The following RASSF3 variants were observed in gnomAD, a reference collection of about 807,000 sequenced individuals.
RASSF3 encodes the protein ras association domain-containing protein 3.
A neutral mutation model predicts 19.9 loss-of-function variants in RASSF3; 19 were observed. That is an observed-to-expected ratio of 0.96 (90% confidence interval 0.67 to 1.40). The LOEUF is 1.40. RASSF3 is among the 40% of genes most tolerant of loss of function. The pLI is 0.00. For synonymous variants in RASSF3, 110 were observed against 104.2 expected, an observed-to-expected ratio of 1.06 and a Z score of -0.34; for missense variants, 306 against 289.8, an observed-to-expected ratio of 1.06 and a Z score of -0.41.
chr12:64,686,646 G>T (rs1873367191), intron 2 of RASSF3, among the ~76,000 whole-genome samples: 1 of 151,594 alleles, frequency 6.6e-6, no homozygotes, highest in Non-Finnish European at 1.5e-5. Flanking sequence ...AGTCAACATG[G>T]CAAAACCCCA....
At chr12:64,572,665 T>A (rs1037305261) in intron 2 of RASSF3, among the ~76,000 whole-genome samples, 1 of 152,008 alleles carries the variant, frequency 6.6e-6, no homozygotes, top group Non-Finnish European at 1.5e-5. Context: ...ACTAAATTAA[T>A]GAAAGAGTGA....
chr12:64,622,102 G>A (rs1174785389), intron 1 of RASSF3, among the ~76,000 whole-genome samples: 1 of 152,124 alleles, frequency 6.6e-6, no homozygotes, highest in Non-Finnish European at 1.5e-5. Flanking sequence ...CCAGGCTGGA[G>A]TGCAGTGGCG....
At chr12:64,604,962 A>T (rs193218219) in intron 2 of RASSF3, among the ~76,000 whole-genome samples, 2,871 of 145,974 alleles carry the variant, frequency 0.02, 49 homozygotes, top group Non-Finnish European at 0.031. Context: ...TTTGTCATAT[A>T]TTTTTTTTTT....
At chr12:64,557,318 C>T (rs528678806) in intron 2 of RASSF3, among the ~76,000 whole-genome samples, 5 of 152,158 alleles carry the variant, frequency 3.3e-5, no homozygotes, top group South Asian at 2.1e-4. Flanking sequence ...AAGGAAGTAC[C>T]GGGAAGTGCC....
In RASSF3 at chr12:64,688,197, G is replaced by C; in HGVS notation, c.220-19G>C. 1.9e-6 allele frequency: 3 copies of C among 1,578,458 alleles called. No homozygotes were observed. The South Asian group carries it at 3.3e-5, about 17-fold the overall frequency. Reference sequence around the variant, plus strand: ...CCACCATCCACCCAGCTAAGTGTGTGCTTCTCTCCCTGCTTCAGAATTCAA... The same window carrying C: ...CCACCATCCACCCAGCTAAGTGTGTCCTTCTCTCCCTGCTTCAGAATTCAA... On this transcript the variant is annotated intron_variant, in intron 2 of 4. Transcript: ENST00000542104.
rs375276389 is a variant in RASSF3 at position 64,525,810 on chromosome 12, G to A, written c.170-15771G>A. On this transcript the variant is annotated intron_variant, in intron 1 of 5. Transcript: ENST00000637125. ...GTGATCAGAAGCATATAGATCTACT[G>A]TCAGAATAGACGAGAATAAAGGCCA... 4.7e-4 allele frequency among the ~76,000 whole-genome samples: 71 copies of A among 152,158 alleles called. 1 individual carries two copies. Among genetic ancestry groups the A allele is most frequent in the African/African-American group, 1.7e-3 (69 of 41,470 alleles).
At chr12:64,654,461 G>A (rs950936422) in intron 1 of RASSF3, among the ~76,000 whole-genome samples, 9 of 151,688 alleles carry the variant, frequency 5.9e-5, no homozygotes, top group Admixed American at 1.3e-4. Context: ...CCACTGCCCC[G>A]GCCCCATAAT....
chr12:64,597,999 C>T (rs1320607417), intron 2 of RASSF3, among the ~76,000 whole-genome samples: 1 of 152,174 alleles, frequency 6.6e-6, no homozygotes, highest in Non-Finnish European at 1.5e-5. Context: ...TTTACTGCAA[C>T]CTCTGCCTCC....
chr12:64,676,353 G>T (rs1397024729), intron 1 of RASSF3, among the ~76,000 whole-genome samples: 1 of 151,260 alleles, frequency 6.6e-6, no homozygotes, highest in Non-Finnish European at 1.5e-5. Context: ...ATTTTTAGTA[G>T]AAACAGGGTT....
Position 64,561,011 on chromosome 12 carries a change from T to C in RASSF3, c.294+19306T>C, listed in dbSNP as rs1022510721. 2.0e-5 allele frequency among the ~76,000 whole-genome samples: 3 copies of C among 152,240 alleles called. No homozygotes were observed. In the South Asian group the frequency reaches 6.2e-4, roughly 32 times the overall value. On this transcript the variant is annotated intron_variant, in intron 2 of 5. Transcript: ENST00000637125. ...TGTATTAGTAAAGAATGAGTCTGTA[T>C]TAGTACAGAATGAGTCTGTATTAGT...
chr12:64,522,531 A>C (rs1337805852), intron 1 of RASSF3, among the ~76,000 whole-genome samples: 1 of 152,132 alleles, frequency 6.6e-6, no homozygotes, highest in African/African-American at 2.4e-5. Context: ...CCACACATAA[A>C]CACTAGCACC....
chr12:64,561,040 G>T (rs1249406903), intron 2 of RASSF3, among the ~76,000 whole-genome samples: 1 of 152,222 alleles, frequency 6.6e-6, no homozygotes, highest in Non-Finnish European at 1.5e-5. Context: ...TATTAGTTGT[G>T]CCCTGCTTGC....
chr12:64,692,908 G>T (rs1218112353), intron 4 of RASSF3, among the ~76,000 whole-genome samples: 7 of 151,952 alleles, frequency 4.6e-5, no homozygotes, highest in Admixed American at 1.3e-4. Context: ...CTTGACATTG[G>T]GTTTTATTGT....
intron 1 of RASSF3, among the ~76,000 whole-genome samples, chr12:64,674,084 C>T (rs1305337667): frequency 6.6e-6 from 1 of 152,124 alleles, no homozygotes; most frequent in Non-Finnish European, 1.5e-5. Context: ...CATGCTGGGC[C>T]TGTTCCTGCT....
intron 1 of RASSF3, among the ~76,000 whole-genome samples, chr12:64,513,363 T>G (rs1248477232): frequency 6.6e-6 from 1 of 151,208 alleles, no homozygotes; most frequent in African/African-American, 2.4e-5. Context: ...CGCAGAAGAA[T>G]TGCTTGAACC....
chr12:64,690,165 AT>A (rs895059808), intron 3 of RASSF3, among the ~76,000 whole-genome samples: 6 of 149,482 alleles, frequency 4.0e-5, no homozygotes, highest in African/African-American at 9.9e-5. Context: ...TGGTATATAC[AT>A]TTTTTTTTAA....
intron 1 of RASSF3, among the ~76,000 whole-genome samples, chr12:64,518,954 T>C (rs1279608034): frequency 6.6e-6 from 1 of 152,122 alleles, no homozygotes; most frequent in Non-Finnish European, 1.5e-5. Flanking sequence ...AAACATATAA[T>C]CAACAGGGAA....
chr12:64,668,766 C>T (rs1872606129), intron 1 of RASSF3, among the ~76,000 whole-genome samples: 1 of 149,698 alleles, frequency 6.7e-6, no homozygotes, highest in Non-Finnish European at 1.5e-5. Context: ...ACTGCAAGCT[C>T]TGCCTTCCGG....
chr12:64,610,790 G>T (rs1870326075), intron 1 of RASSF3, 47 bp downstream of exon 1: 2 of 1,346,820 alleles, frequency 1.5e-6, no homozygotes, highest in Non-Finnish European at 2.1e-6. Context: ...CAGAGTTCCG[G>T]GGAACCCGCC....
Sources: gnomAD v4.1 joint callset for allele counts (sites outside exome capture counted in the v4.1 genomes callset) on GRCh38, gnomAD v4.1.1 for gene constraint, MANE v1.5 for transcripts, NCBI Gene and HGNC (gene_info 2026-07-23, HGNC 2026-07-21) for gene names.